The following CBLB variants were observed in gnomAD, a reference collection of about 807,000 sequenced individuals.
CBLB encodes E3 ubiquitin-protein ligase CBL-B.
A neutral mutation model predicts 104.9 loss-of-function variants in CBLB; 31 were observed. The observed-to-expected ratio is 0.30, with a 90% confidence interval of 0.22 to 0.40. The LOEUF (loss-of-function observed/expected upper bound fraction) is 0.40. Among genes scored for constraint, CBLB ranks in the 10% least tolerant of loss-of-function variants. The pLI is 1.00. For synonymous variants in CBLB, 440 were observed against 422.6 expected (o/e 1.04, Z -0.51); for missense variants, 1,062 against 1,214.6 (o/e 0.87, Z 1.87).
intron 3 of CBLB, among the ~76,000 whole-genome samples, chr3:105,801,159 A>G (rs960189453): frequency 2.6e-5 from 4 of 152,190 alleles, no homozygotes; most frequent in African/African-American, 9.7e-5. Flanking sequence ...GGGCTGAAAT[A>G]TTGGCTAATT....
intron 3 of CBLB, among the ~76,000 whole-genome samples, chr3:105,779,411 C>T (rs986976063): frequency 4.6e-5 from 7 of 152,036 alleles, no homozygotes; most frequent in South Asian, 2.1e-4. Context: ...TTGGCTTTTG[C>T]ACAAAATAAG....
chr3:105,666,523 T>G (rs1489820021), intron 18 of CBLB, among the ~76,000 whole-genome samples: 1 of 151,914 alleles, frequency 6.6e-6, no homozygotes, highest in Admixed American at 6.6e-5. Context: ...CCATCTCTAC[T>G]AAAAATACAA....
chr3:105,674,661 C>T (rs1473938603), intron 17 of CBLB, among the ~76,000 whole-genome samples: 2 of 152,118 alleles, frequency 1.3e-5, no homozygotes, highest in Non-Finnish European at 2.9e-5. Flanking sequence ...CTTCAATCTA[C>T]CAGCAAAAAG....
intron 16 of CBLB, among the ~76,000 whole-genome samples, chr3:105,680,665 A>C (rs2152725831): frequency 6.6e-6 from 1 of 152,350 alleles, no homozygotes; most frequent in South Asian, 2.1e-4. Context: ...AGTCAGTGGT[A>C]CTTGTGAGAA....
At chr3:105,684,342 C>T (rs1202087826) in intron 14 of CBLB, among the ~76,000 whole-genome samples, 1 of 152,098 alleles carries the variant, frequency 6.6e-6, no homozygotes, top group Non-Finnish European at 1.5e-5. Flanking sequence ...AACAAACAAA[C>T]CCAGAAATAA....
At chr3:105,705,981 T>C (rs1361384080) in intron 10 of CBLB, among the ~76,000 whole-genome samples, 1 of 152,032 alleles carries the variant, frequency 6.6e-6, no homozygotes, top group Non-Finnish European at 1.5e-5. Context: ...ACTAATTTTT[T>C]ATTTTTTTTA....
intron 5 of CBLB, among the ~76,000 whole-genome samples, chr3:105,750,213 T>A (rs930697712): frequency 1.3e-5 from 2 of 151,626 alleles, no homozygotes; most frequent in African/African-American, 4.8e-5. Flanking sequence ...AGAGGCGGGG[T>A]TTCACATCCT....
intron 3 of CBLB, among the ~76,000 whole-genome samples, chr3:105,811,786 A>G (rs1191989970): frequency 1.3e-5 from 2 of 151,572 alleles, no homozygotes; most frequent in Admixed American, 6.6e-5. Context: ...CCCGGCTCAC[A>G]GCAACCTCCA....
At position 105,853,402 on chromosome 3, in the gene CBLB, T is replaced by C. The variant is rs2091204709; in HGVS notation, c.419+12A>G. On this transcript the variant is annotated intron_variant, in intron 3 of 18. Coordinates refer to ENST00000394030, the MANE Select transcript of CBLB (RefSeq NM_170662.5). ...GACCTTTACACCAAAACATCTGAAA[T>C]ATTCTTCTTACCTGTCCTGTGACTG... 1 of 1,613,154 alleles carries C rather than the reference T, an allele frequency of 6.2e-7. No homozygotes were observed. The highest frequency in any genetic ancestry group is 1.7e-5 in the Admixed American group (1 of 60,010).
chr3:105,819,216 G>A (rs1379022816), intron 3 of CBLB, among the ~76,000 whole-genome samples: 1 of 152,248 alleles, frequency 6.6e-6, no homozygotes, highest in African/African-American at 2.4e-5. Context: ...GCCGGGTGCA[G>A]TGGCTCACGC....
At chr3:105,767,644 G>T (rs2078375352) in intron 4 of CBLB, among the ~76,000 whole-genome samples, 1 of 148,586 alleles carries the variant, frequency 6.7e-6, no homozygotes, top group Non-Finnish European at 1.5e-5. Context: ...ATTATTTAGA[G>T]AATTTGGACC....
intron 3 of CBLB, among the ~76,000 whole-genome samples, chr3:105,812,520 G>C (rs2084445738): frequency 1.3e-5 from 2 of 152,186 alleles, no homozygotes. Flanking sequence ...CAGCAAAATG[G>C]AGTTATTGAT....
chr3:105,661,910 T>C (rs948320462), intron 18 of CBLB, among the ~76,000 whole-genome samples: 3 of 152,202 alleles, frequency 2.0e-5, no homozygotes, highest in Non-Finnish European at 4.4e-5. Context: ...AATGAATTAA[T>C]ATTTATAATG....
intron 18 of CBLB, among the ~76,000 whole-genome samples, chr3:105,667,830 A>G (rs890061176): frequency 6.6e-6 from 1 of 152,240 alleles, no homozygotes; most frequent in Non-Finnish European, 1.5e-5. Flanking sequence ...CATAAGGCAG[A>G]GCAATCATAC....
At chr3:105,817,987 A>AT (rs932586426) in intron 3 of CBLB, among the ~76,000 whole-genome samples, 6 of 152,084 alleles carry the variant, frequency 3.9e-5, no homozygotes, top group Middle Eastern at 3.2e-3. Context: ...AAAATAAACA[A>AT]TTTTTTTCCC....
chr3:105,844,135 C>G (rs575932310), intron 3 of CBLB, among the ~76,000 whole-genome samples: 11 of 152,242 alleles, frequency 7.2e-5, no homozygotes, highest in Admixed American at 2.0e-4. Flanking sequence ...AACAGACTTA[C>G]GCTGCCATAA....
At chr3:105,750,144 A>G (rs2076465548) in intron 5 of CBLB, among the ~76,000 whole-genome samples, 1 of 151,800 alleles carries the variant, frequency 6.6e-6, no homozygotes, top group Admixed American at 6.6e-5. Context: ...TCAGCCTCCC[A>G]AGTAGCTGGG....
At chr3:105,757,302 C>T (rs966939950) in intron 4 of CBLB, among the ~76,000 whole-genome samples, 1 of 152,044 alleles carries the variant, frequency 6.6e-6, no homozygotes, top group African/African-American at 2.4e-5. Flanking sequence ...CAAAGTACTG[C>T]TACATGCAAG....
chr3:105,673,976 T>A (rs2065344747), intron 17 of CBLB: 2 of 152,216 alleles, frequency 1.3e-5, no homozygotes, highest in Non-Finnish European at 2.9e-5. Flanking sequence ...CCCAGCCCAG[T>A]ATATTTCAAA....
Sources: allele counts gnomAD v4.1 joint callset (sites outside exome capture counted in the v4.1 genomes callset), GRCh38; gene constraint gnomAD v4.1.1; transcripts MANE v1.5; gene names NCBI Gene and HGNC (gene_info 2026-07-23, HGNC 2026-07-21).